CTNNA2: variants seen among roughly 807,000 people sequenced by gnomAD.
CTNNA2 encodes the protein catenin alpha 2.
Under a neutral mutation model 101.0 loss-of-function variants are expected in CTNNA2, and 42 were observed. The observed-to-expected ratio is 0.42, with a 90% confidence interval of 0.32 to 0.54. The LOEUF is 0.54. Among genes scored for constraint, CTNNA2 ranks in the 20% least tolerant of loss-of-function variants. CTNNA2 has a pLI of 0.14. For synonymous variants in CTNNA2, 450 were observed against 456.4 expected (o/e 0.99, Z 0.18); for missense variants, 871 against 1,223.1 (o/e 0.71, Z 4.29).
At chr2:80,080,907 G>A (rs1462621191) in intron 7 of CTNNA2, among the ~76,000 whole-genome samples, 1 of 133,412 alleles carries the variant, frequency 7.5e-6, no homozygotes, top group African/African-American at 2.9e-5. Context: ...GAAATAAACT[G>A]TCAGAAAGAA....
intron 7 of CTNNA2, among the ~76,000 whole-genome samples, chr2:79,997,883 A>G (rs141293289): frequency 1.3e-5 from 2 of 152,322 alleles, no homozygotes; most frequent in Non-Finnish European, 2.9e-5. Context: ...TGCCTGGTAG[A>G]TTATGGTGTC....
intron 2 of CTNNA2, among the ~76,000 whole-genome samples, chr2:79,308,027 T>C (rs1461362805): frequency 6.6e-6 from 1 of 152,148 alleles, no homozygotes; most frequent in African/African-American, 2.4e-5. Flanking sequence ...TTGAGAAATG[T>C]CTATTCAGAT....
intron 3 of CTNNA2, chr2:79,339,529 G>A (rs980229351): frequency 6.6e-6 from 1 of 152,168 alleles, no homozygotes; most frequent in Non-Finnish European, 1.5e-5. Flanking sequence ...GTTCTTTGCA[G>A]TTTTCAAATG....
In CTNNA2 at chr2:80,293,353, A is replaced by C. The variant is rs187063114; in HGVS notation, c.1057-99858A>C. Among the ~76,000 whole-genome samples the C allele has an allele frequency of 4.5e-3, 687 of 152,346 alleles. 5 individuals are homozygous for C. The highest frequency in any genetic ancestry group is 0.016 in the African/African-American group (660 of 41,580). ...TAAGATAGAGAGCCCTGCTACACATAGTTTGCAATATTGAGAGTTCTTCAC... is the reference window on the plus strand; with the variant it reads ...TAAGATAGAGAGCCCTGCTACACATCGTTTGCAATATTGAGAGTTCTTCAC... On this transcript the variant is annotated intron_variant, in intron 7 of 18. Transcript: ENST00000402739.
At chr2:79,687,444 C>CT (rs35164413) in intron 2 of CTNNA2, 220,727 of 417,358 alleles carry the variant, frequency 0.53, 36,687 homozygotes, top group African/African-American at 0.63. Context: ...TTTGGATCTG[C>CT]TTTTTTTTTT....
intron 7 of CTNNA2, among the ~76,000 whole-genome samples, chr2:80,090,658 G>T (rs1367353733): frequency 6.6e-6 from 1 of 152,040 alleles, no homozygotes; most frequent in African/African-American, 2.4e-5. Context: ...TTCCATAAAA[G>T]AAGTTTATAT....
At chr2:80,323,168 G>A (rs1393051224) in intron 7 of CTNNA2, among the ~76,000 whole-genome samples, 1 of 152,140 alleles carries the variant, frequency 6.6e-6, no homozygotes, top group Non-Finnish European at 1.5e-5. Context: ...GTGTAGCTCA[G>A]TGGGGTTCCC....
At chr2:80,267,619 G>A (rs1043858666) in intron 7 of CTNNA2, among the ~76,000 whole-genome samples, 4 of 152,212 alleles carry the variant, frequency 2.6e-5, no homozygotes, top group African/African-American at 9.6e-5. Context: ...CTGGGAAGGA[G>A]ACGATTCGCT....
intron 7 of CTNNA2, among the ~76,000 whole-genome samples, chr2:80,369,241 C>T (rs1675229761): frequency 6.6e-6 from 1 of 152,008 alleles, no homozygotes; most frequent in Non-Finnish European, 1.5e-5. Context: ...TATTTTGCCA[C>T]AAAGGATATA....
At chr2:80,063,542 C>A (rs1697756726) in intron 7 of CTNNA2, among the ~76,000 whole-genome samples, 1 of 152,172 alleles carries the variant, frequency 6.6e-6, no homozygotes, top group South Asian at 2.1e-4. Flanking sequence ...GTTTAAGCAC[C>A]CTTCACGTAA....
intron 4 of CTNNA2, among the ~76,000 whole-genome samples, chr2:79,412,753 G>C (rs1024945763): frequency 1.3e-5 from 2 of 152,144 alleles, no homozygotes; most frequent in Non-Finnish European, 2.9e-5. Flanking sequence ...GCAGTGTGTA[G>C]AGGGAAATTT....
At chr2:79,299,655 C>T (rs747697224) in intron 2 of CTNNA2, among the ~76,000 whole-genome samples, 4 of 151,944 alleles carry the variant, frequency 2.6e-5, no homozygotes, top group Admixed American at 1.3e-4. Context: ...ACTGAGTCTT[C>T]GGGTTCTGTG....
chr2:79,624,926 C>T (rs1260986593), intron 1 of CTNNA2, among the ~76,000 whole-genome samples: 1 of 151,996 alleles, frequency 6.6e-6, no homozygotes, highest in East Asian at 1.9e-4. Context: ...GCCAGGTATG[C>T]AAATAATTAT....
chr2:79,680,675 G>C (rs1485839378), intron 2 of CTNNA2, among the ~76,000 whole-genome samples: 1 of 152,176 alleles, frequency 6.6e-6, no homozygotes, highest in Non-Finnish European at 1.5e-5. Flanking sequence ...TGATTCAAAA[G>C]AGTTCCAGGG....
At chr2:79,768,653 A>G (rs1375829316) in intron 3 of CTNNA2, among the ~76,000 whole-genome samples, 2 of 151,898 alleles carry the variant, frequency 1.3e-5, no homozygotes, top group East Asian at 3.9e-4. Flanking sequence ...TAATAAAAGG[A>G]GGGTTTTTTC....
chr2:80,391,396 C>T (rs1677502281), intron 7 of CTNNA2, among the ~76,000 whole-genome samples: 1 of 152,140 alleles, frequency 6.6e-6, no homozygotes, highest in Admixed American at 6.5e-5. Flanking sequence ...TAAAGTGTCT[C>T]AATTTTTTTC....
At chr2:80,127,216 C>G (rs558752164) in intron 7 of CTNNA2, among the ~76,000 whole-genome samples, 1 of 152,160 alleles carries the variant, frequency 6.6e-6, no homozygotes, top group Non-Finnish European at 1.5e-5. Flanking sequence ...TAATGATTTA[C>G]TATTTTAGAT....
chr2:79,539,313 A>C (rs938941034), intron 1 of CTNNA2, among the ~76,000 whole-genome samples: 1 of 152,180 alleles, frequency 6.6e-6, no homozygotes, highest in African/African-American at 2.4e-5. Flanking sequence ...TGGCCTTCAC[A>C]CATCAAGAGC....
intron 4 of CTNNA2, among the ~76,000 whole-genome samples, chr2:79,503,970 G>A (rs1035374456): frequency 6.6e-6 from 1 of 152,120 alleles, no homozygotes. Flanking sequence ...TGGAATGAAG[G>A]AGGTTTCCTG....
Sources: gnomAD v4.1 joint callset for allele counts (sites outside exome capture counted in the v4.1 genomes callset) on GRCh38, gnomAD v4.1.1 for gene constraint, MANE v1.5 for transcripts, NCBI Gene and HGNC (gene_info 2026-07-23, HGNC 2026-07-21) for gene names.